IGFBP1: variants seen among roughly 807,000 people sequenced by gnomAD.
The protein encoded by IGFBP1 is insulin like growth factor binding protein 1, also known as insulin-like growth factor-binding protein 1.
In IGFBP1, 31 loss-of-function variants were observed where a neutral mutation model predicts 23.1. The ratio of observed to expected loss-of-function variants is 1.34; its 90% CI spans 1.01 to 1.81. The LOEUF is 1.81. Among genes scored for constraint, IGFBP1 ranks in the 40% most tolerant of loss-of-function variants. The pLI is 0.00. For synonymous variants in IGFBP1, 148 were observed against 145.5 expected (o/e 1.02, Z -0.13); for missense variants, 333 against 342.2 (o/e 0.97, Z 0.21).
chr7:45,890,782 A>G (rs951537268), intron 2 of IGFBP1, 65 bp downstream of exon 2: 1 of 1,432,868 alleles, frequency 7.0e-7, no homozygotes, highest in East Asian at 2.5e-5. Flanking sequence ...GTCGGCTGTG[A>G]CAAGCAGACC....
Position 45,888,998 on chromosome 7 carries a change from GC to G in IGFBP1, c.347del (p.Ala116GlufsTer14). 1 of 1,514,334 alleles carries G rather than the reference GC, an allele frequency of 6.6e-7. No individual in the cohort carries two copies. The highest frequency in any genetic ancestry group is 2.3e-4 in the Middle Eastern group (1 of 4,360). The allele number at this position is 1,514,334 out of a possible 1,614,324, so 93.8% of individuals were successfully genotyped here. ...QESDASAPHA[A>X]EAGSPESPES... ...GTCTGACGCCTCCGCTCCCCATGCT[GC>G]AGGTACCACAGTCCCGCCCCTGCTC... On this transcript the variant is annotated frameshift_variant and splice_region_variant, in exon 1 of 4. Coordinates refer to ENST00000275525, the MANE Select transcript of IGFBP1 (RefSeq NM_000596.4). LOFTEE classifies it high-confidence loss of function.
intron 1 of IGFBP1, 43 bp downstream of exon 1, chr7:45,889,044 C>T (rs1787034429): frequency 2.8e-6 from 4 of 1,409,432 alleles, no homozygotes; most frequent in Admixed American, 4.9e-5. Context: ...CTGCCGCCCG[C>T]CCCCGCCCGG....
chr7:45,890,934 T>C (rs1787069584), intron 2 of IGFBP1, among the ~76,000 whole-genome samples: 2 of 152,324 alleles, frequency 1.3e-5, no homozygotes, highest in Non-Finnish European at 2.9e-5. Flanking sequence ...AAAGAAAATG[T>C]AGTTCCGGAC....
In IGFBP1 at chr7:45,890,720, G is replaced by T. The variant is rs372845266; in HGVS notation, c.519+3G>T. On this transcript the variant is annotated splice_donor_region_variant and intron_variant, in intron 2 of 3. Transcript: ENST00000275525. ...TCACCAACATCAAAAAATGGAAGGT[G>T]AGGCCCAGCAGGTGGGTGGTGGGAA... 1 of 1,596,884 alleles carries T rather than the reference G, an allele frequency of 6.3e-7. No homozygotes were observed. The highest frequency in any genetic ancestry group is 1.1e-5 in the South Asian group (1 of 88,738).
At chr7:45,889,858 C>G (rs1217024333) in intron 1 of IGFBP1, among the ~76,000 whole-genome samples, 1 of 152,160 alleles carries the variant, frequency 6.6e-6, no homozygotes, top group African/African-American at 2.4e-5. Context: ...TGCGGATTCT[C>G]TGCCCTTCAG....
rs1448151824 is a variant in IGFBP1, at chr7:45,888,596, C to T, written c.-57C>T. The T allele has an allele frequency of 3.4e-6, 5 of 1,476,076 alleles. No homozygotes were observed. The South Asian group carries it at 3.6e-5, about 11-fold the overall frequency. The allele number at this position is 1,476,076 out of a possible 1,614,324, so 91.4% of individuals were successfully genotyped here. On this transcript the variant is annotated 5_prime_UTR_variant, in exon 1 of 4. Coordinates refer to ENST00000275525, the MANE Select transcript of IGFBP1 (RefSeq NM_000596.4). ...ATCACTTGCCCAGAGTTTGGGCCAC[C>T]GCCCGCCGCCACCAGCCCAGAGAGC...
intron 1 of IGFBP1, among the ~76,000 whole-genome samples, chr7:45,889,580 G>A (rs1197970447): frequency 1.3e-5 from 2 of 152,226 alleles, no homozygotes; most frequent in Non-Finnish European, 2.9e-5. Context: ...TCCATTCATT[G>A]CCATAGAAAA....
intron 3 of IGFBP1, 78 bp from the exon 4 acceptor site, chr7:45,892,882 A>G (rs2116551190): frequency 1.4e-6 from 2 of 1,467,318 alleles, no homozygotes; most frequent in South Asian, 1.2e-5. Flanking sequence ...GGCTGCACTG[A>G]AAAAAGGGCC....
chr7:45,892,169 C>T, intron 3 of IGFBP1, 109 bp downstream of exon 3: 1 of 1,216,700 alleles, frequency 8.2e-7, no homozygotes, highest in Non-Finnish European at 1.2e-6. Flanking sequence ...AAAGTAGACA[C>T]CAGAAGTGGT....
chr7:45,889,025 C>T, intron 1 of IGFBP1, 24 bp downstream of exon 1: 1 of 1,476,140 alleles, frequency 6.8e-7, no homozygotes, highest in East Asian at 2.8e-5. Flanking sequence ...GCCCCTGCTC[C>T]AGCACCTCCT....
In IGFBP1 at chr7:45,892,049, C is replaced by A; in HGVS notation, c.637C>A (p.His213Asn). The change falls in exon 3 of 4, where the codon CAC becomes AAC. Residue 213 changes from histidine to asparagine, a missense_variant. Coordinates refer to ENST00000275525, the MANE Select transcript of IGFBP1 (RefSeq NM_000596.4). Reference protein sequence around the residue: ...LPNCNKNGFYHSRQCETSMDG... With the variant: ...LPNCNKNGFYNSRQCETSMDG... Reference sequence around the variant, plus strand: ...AAACTGCAACAAGAATGGATTTTATCACAGCAGACAGGTAGGTGGCCTTGC... The same window carrying A: ...AAACTGCAACAAGAATGGATTTTATAACAGCAGACAGGTAGGTGGCCTTGC... The A allele has an allele frequency of 6.2e-7, 1 of 1,614,154 alleles. No individual in the cohort carries two copies. The highest frequency in any genetic ancestry group is 8.5e-7 in the Non-Finnish European group (1 of 1,180,010).
chr7:45,888,570 C>T lies in IGFBP1; in HGVS notation c.-83C>T. ...CAGAGAGCACTGGCCACCGCTCCAC[C>T]ATCACTTGCCCAGAGTTTGGGCCAC... On this transcript the variant is annotated 5_prime_UTR_variant, in exon 1 of 4. Coordinates refer to ENST00000275525, the MANE Select transcript of IGFBP1 (RefSeq NM_000596.4). 1 of 1,203,886 alleles carries T rather than the reference C, an allele frequency of 8.3e-7. No homozygotes were observed. The highest frequency in any genetic ancestry group is 1.3e-5 in the South Asian group (1 of 76,092). The allele number at this position is 1,203,886 out of a possible 1,614,324, so 74.6% of individuals were successfully genotyped here.
At position 45,893,135 on chromosome 7, in the gene IGFBP1, A is replaced by G. The variant is rs373819923; in HGVS notation, c.*44A>G. 1.8e-4 allele frequency: 253 copies of G among 1,410,820 alleles called. No homozygotes were observed. The highest frequency in any genetic ancestry group is 2.5e-4 in the Non-Finnish European group (248 of 1,007,628). 87.4% of individuals were successfully genotyped at this position (1,410,820 alleles called of 1,614,324 possible). On this transcript the variant is annotated 3_prime_UTR_variant, in exon 4 of 4. Coordinates refer to ENST00000275525, the MANE Select transcript of IGFBP1 (RefSeq NM_000596.4). ...TCTGTCACGTGAAATATTTAAGTAT[A>G]TAGTATATTTATACTCTAGAACATG...
At chr7:45,889,133 C>T in intron 1 of IGFBP1, 132 bp downstream of exon 1, 2 of 671,358 alleles carry the variant, frequency 3.0e-6, no homozygotes, top group South Asian at 2.2e-5. Context: ...GAGCTTGAAA[C>T]CAGAGCACGT....
chr7:45,889,401 G>A (rs1787041065), intron 1 of IGFBP1, among the ~76,000 whole-genome samples: 1 of 152,184 alleles, frequency 6.6e-6, no homozygotes, highest in South Asian at 2.1e-4. Flanking sequence ...CCAGCACGTG[G>A]GCAGCCCCAG....
intron 3 of IGFBP1, 58 bp downstream of exon 3, chr7:45,892,118 C>T (rs562582799): frequency 1.9e-6 from 3 of 1,579,954 alleles, no homozygotes; most frequent in Non-Finnish European, 2.6e-6. Context: ...CCCTACATTC[C>T]TGCCAAGCCA....
chr7:45,893,229 A>T lies in IGFBP1; in HGVS notation c.*138A>T. The T allele has an allele frequency of 2.9e-6, 1 of 349,730 alleles. No individual in the cohort carries two copies. The highest frequency in any genetic ancestry group is 4.7e-6 in the Non-Finnish European group (1 of 213,714). The allele number at this position is 349,730 out of a possible 1,614,324, so 21.7% of individuals were successfully genotyped here. On this transcript the variant is annotated 3_prime_UTR_variant, in exon 4 of 4. Transcript: ENST00000275525. ...CTTTTTATACTCCATACATAACTTG[A>T]TATAGAAAGCTGTTTATTTATTCAC...
In IGFBP1 at chr7:45,893,099, T is replaced by A. The variant is rs745782423; in HGVS notation, c.*8T>A. The A allele has an allele frequency of 1.9e-6, 3 of 1,601,498 alleles. No individual in the cohort carries two copies. The African/African-American group carries it at 4.0e-5, about 21-fold the overall frequency. On this transcript the variant is annotated 3_prime_UTR_variant, in exon 4 of 4. Transcript: ENST00000275525. ...TTTAATGTACAAAACTGAAACCAGA[T>A]GAAATAATGTTCTGTCACGTGAAAT...
In IGFBP1 at chr7:45,888,873, C is replaced by A; in HGVS notation, c.221C>A (p.Ala74Glu). The change falls in exon 1 of 4, where the codon GCG (alanine) becomes GAG (glutamate). Residue 74 changes from alanine (A) to glutamate (E), a missense_variant. Physicochemically the swap from Ala to Glu is moderately radical, Grantham distance 107 (BLOSUM62 -1). Coordinates refer to ENST00000275525, the MANE Select transcript of IGFBP1 (RefSeq NM_000596.4). Reference sequence around the variant, plus strand: ...CCTCTGGGCGCCGCGTGCGGCGTGGCGACTGCACGCTGCGCCCGGGGACTC... The same window carrying A: ...CCTCTGGGCGCCGCGTGCGGCGTGGAGACTGCACGCTGCGCCCGGGGACTC... ...ALPLGAACGVATARCARGLSC... is the reference protein window; with the variant it reads ...ALPLGAACGVETARCARGLSC... 1 of 1,506,976 alleles carries A rather than the reference C, an allele frequency of 6.6e-7. No homozygotes were observed. Among genetic ancestry groups the A allele is most frequent in the South Asian group, 1.3e-5 (1 of 79,984 alleles). The allele number at this position is 1,506,976 out of a possible 1,614,324, so 93.4% of individuals were successfully genotyped here. A position where few individuals can be genotyped will look rare whatever the true frequency, so the allele number is the denominator to read the frequency against.
Sources: allele counts gnomAD v4.1 joint callset (sites outside exome capture counted in the v4.1 genomes callset), GRCh38; gene constraint gnomAD v4.1.1; transcripts MANE v1.5; gene names NCBI Gene and HGNC (gene_info 2026-07-23, HGNC 2026-07-21).